ZNF568: variants seen among roughly 807,000 people sequenced by gnomAD.
The protein encoded by ZNF568 is p53 inhibitor of SCO2 activation.
A neutral mutation model predicts 18.1 loss-of-function variants in ZNF568; 11 were observed. The ratio of observed to expected loss-of-function variants is 0.61; its 90% CI spans 0.38 to 1.00. The LOEUF (loss-of-function observed/expected upper bound fraction) is 1.00, where lower values mean the gene tolerates loss of function less well. Ranked by LOEUF, ZNF568 falls within the 50% of genes least tolerant of loss-of-function variation. The probability of loss-of-function intolerance (pLI) is 0.01; values close to 1 mark genes in which losing one functional copy is unlikely to be tolerated. For synonymous variants in ZNF568, 213 were observed against 246.6 expected (o/e 0.86, Z 1.28); for missense variants, 639 against 768.2 (o/e 0.83, Z 1.99).
chr19:36,946,339 A>G (rs931895707), intron 6 of ZNF568, among the ~76,000 whole-genome samples: 16 of 152,104 alleles, frequency 1.1e-4, no homozygotes, highest in African/African-American at 3.1e-4. Context: ...AGCTAATTCA[A>G]TTTCACCACT....
intron 4 of ZNF568, among the ~76,000 whole-genome samples, chr19:36,992,264 GA>G (rs2074432118): frequency 1.4e-5 from 2 of 139,294 alleles, no homozygotes; most frequent in Non-Finnish European, 3.1e-5. Context: ...AAAAAAAAAG[GA>G]GGCCAAGGCA....
At chr19:36,981,928 GA>G (rs1229518448), downstream of ZNF568, among the ~76,000 whole-genome samples, 1 of 123,744 alleles carries the variant, frequency 8.1e-6, no homozygotes, top group Non-Finnish European at 1.7e-5. Context: ...CTGGTATATA[GA>G]CTTGCCATTG....
rs1185801229 is a variant in ZNF568 at position 36,970,208 on chromosome 19, CT to C, written c.359-4206del. Among the ~76,000 whole-genome samples the C allele has an allele frequency of 2.4e-5, 3 of 126,516 alleles. 1 individual carries two copies. The highest frequency in any genetic ancestry group is 9.3e-5 in the African/African-American group (3 of 32,274). 83.0% of individuals were successfully genotyped at this position (126,516 alleles called of 152,430 possible). A position where few individuals can be genotyped will look rare whatever the true frequency, so the allele number is the denominator to read the frequency against. The stretch of plus-strand genomic sequence containing the variant: ...TCTTATTGGCATAATTTATGAATTT[CT>C]TTTTTCCCAATCCTTTGACATAACT... On this transcript the variant is annotated intron_variant, in intron 6 of 7. Coordinates refer to the ZNF568 transcript ENST00000427117.
chr19:36,996,601 G>A (rs886361475), exon 5 of ZNF568: 2 of 1,535,494 alleles, frequency 1.3e-6, no homozygotes, highest in African/African-American at 2.7e-5. Flanking sequence ...TATTCAACAT[G>A]AAATAATTCA....
At chr19:36,960,874 T>C (rs765083031) in intron 6 of ZNF568, among the ~76,000 whole-genome samples, 13 of 152,176 alleles carry the variant, frequency 8.5e-5, no homozygotes, top group Non-Finnish European at 1.5e-4. Flanking sequence ...TATTCCGTTG[T>C]GGTCTAAGAT....
At chr19:36,924,558 C>T (rs1239566996) in intron 3 of ZNF568, among the ~76,000 whole-genome samples, 2 of 350 alleles carry the variant, frequency 5.7e-3, no homozygotes, top group East Asian at 0.026. Flanking sequence ...AGGCCAGGCG[C>T]GGCGTCACGC....
chr19:36,983,040 C>A (rs1199103088), downstream of ZNF568, among the ~76,000 whole-genome samples: 2 of 152,132 alleles, frequency 1.3e-5, no homozygotes, highest in African/African-American at 2.4e-5. Context: ...GGGAAATAAT[C>A]AAAAGAATTA....
At chr19:36,949,256 A>C (rs2074017068) in intron 6 of ZNF568, among the ~76,000 whole-genome samples, 1 of 152,170 alleles carries the variant, frequency 6.6e-6, no homozygotes, top group Non-Finnish European at 1.5e-5. Context: ...TGATTTCTGC[A>C]CTATACGTGG....
At chr19:36,921,245 TG>T (rs781232953) in intron 2 of ZNF568, among the ~76,000 whole-genome samples, 3 of 152,308 alleles carry the variant, frequency 2.0e-5, no homozygotes, top group Non-Finnish European at 2.9e-5. Flanking sequence ...GCAGATCACC[TG>T]AGGTCAGGAG....
chr19:36,964,337 A>G (rs1370598086), intron 6 of ZNF568, among the ~76,000 whole-genome samples: 1 of 152,204 alleles, frequency 6.6e-6, no homozygotes, highest in Admixed American at 6.5e-5. Context: ...CCTTTGTGAA[A>G]TATTACTTTC....
intron 6 of ZNF568, among the ~76,000 whole-genome samples, chr19:36,941,440 T>G (rs1477797324): frequency 6.6e-6 from 1 of 152,208 alleles, no homozygotes; most frequent in Non-Finnish European, 1.5e-5. Flanking sequence ...ATACTTTTTA[T>G]TCAATAAAAT....
downstream of ZNF568, chr19:36,997,496 G>A (rs533366042): frequency 2.1e-5 from 34 of 1,586,944 alleles, no homozygotes; most frequent in Admixed American, 1.9e-4. Flanking sequence ...GCTTTCATTC[G>A]AAGGTCAGAA....
rs2073335852 is a variant in ZNF568, at chr19:36,916,536, T to C, written c.-311T>C. 6.6e-6 allele frequency: 1 copy of C among 152,442 alleles called. No homozygotes were observed. The highest frequency in any genetic ancestry group is 1.5e-5 in the Non-Finnish European group (1 of 68,160). 9.4% of individuals were successfully genotyped at this position (152,442 alleles called of 1,614,324 possible). On this transcript the variant is annotated 5_prime_UTR_variant, in exon 1 of 7. It removes the in-frame stop codon of an upstream open reading frame in the 5' UTR. Coordinates refer to ENST00000333987, the MANE Select transcript of ZNF568 (RefSeq NM_198539.4). This position sits in a 1 kb window ranked among gnomAD's most constrained non-coding sequence, Gnocchi z 5.3. ...CGCGGTTGACGGGACACGGATCCTC[T>C]AAGGCCCAGAGTGTCCCGAGTAGCG...
intron 4 of ZNF568, among the ~76,000 whole-genome samples, chr19:36,927,809 A>AT (rs1252173125): frequency 6.0e-5 from 8 of 133,320 alleles, no homozygotes; most frequent in African/African-American, 1.5e-4. Flanking sequence ...ACATATATAT[A>AT]AAAAATATAT....
chr19:36,919,227 A>G (rs1320874325), intron 2 of ZNF568, among the ~76,000 whole-genome samples: 1 of 152,188 alleles, frequency 6.6e-6, no homozygotes, highest in Non-Finnish European at 1.5e-5. Context: ...TTGAGCACCT[A>G]CTATGAATAT....
At chr19:36,965,598 T>C (rs1474835283) in intron 6 of ZNF568, among the ~76,000 whole-genome samples, 2 of 152,156 alleles carry the variant, frequency 1.3e-5, no homozygotes, top group Non-Finnish European at 2.9e-5. Context: ...AGATTTTTTT[T>C]CTTGCCCGTA....
At chr19:36,953,453 ATGG>A (rs2074083592), downstream of ZNF568, among the ~76,000 whole-genome samples, 2 of 152,280 alleles carry the variant, frequency 1.3e-5, no homozygotes, top group Non-Finnish European at 2.9e-5. Flanking sequence ...TTGGTTGGAA[ATGG>A]TGGTGAACTT....
At chr19:36,995,898 G>A (rs1223413479) in intron 4 of ZNF568, among the ~76,000 whole-genome samples, 1 of 151,930 alleles carries the variant, frequency 6.6e-6, no homozygotes, top group Non-Finnish European at 1.5e-5. Flanking sequence ...AGCCAATATT[G>A]GCAGGATAAT....
chr19:36,986,026 G>A (rs2074373423), intron 2 of ZNF568, among the ~76,000 whole-genome samples: 1 of 152,134 alleles, frequency 6.6e-6, no homozygotes, highest in South Asian at 2.1e-4. Flanking sequence ...GCAGATCTGT[G>A]TTTGCTTCTA....
Sources: allele counts gnomAD v4.1 joint callset (sites outside exome capture counted in the v4.1 genomes callset), GRCh38; gene constraint gnomAD v4.1.1; non-coding constraint Gnocchi (gnomAD v3.1); transcripts MANE v1.5; gene names NCBI Gene and HGNC (gene_info 2026-07-23, HGNC 2026-07-21).